Variants in SAP130 observed in about 807,000 individuals in gnomAD.
SAP130 encodes the protein Sin3A associated protein 130.
SAP130 carries 16 observed loss-of-function variants against 103.2 expected under a neutral mutation model. The observed-to-expected ratio is 0.16, with a 90% CI of 0.10 to 0.24. The LOEUF (loss-of-function observed/expected upper bound fraction) is 0.24, where lower values mean the gene tolerates loss of function less well. Among genes scored for constraint, SAP130 ranks in the 10% least tolerant of loss-of-function variants. The pLI is 1.00. For synonymous variants in SAP130, 477 were observed against 497.0 expected (o/e 0.96, Z 0.53); for missense variants, 990 against 1,359.7 (o/e 0.73, Z 4.28).
At chr2:128,027,136 C>G (rs1685566198) in intron 1 of SAP130, 2 of 1,389,748 alleles carry the variant, frequency 1.4e-6, no homozygotes, top group Admixed American at 2.5e-5. Context: ...TCTATCTCGC[C>G]GGCCTGGGGG....
chr2:128,022,420 T>C (rs1011123210), intron 2 of SAP130, among the ~76,000 whole-genome samples: 10 of 152,266 alleles, frequency 6.6e-5, no homozygotes, highest in Non-Finnish European at 1.5e-4. Context: ...TCTACGAACA[T>C]GTGAATATAA....
chr2:127,986,444 T>C lies in SAP130; in HGVS notation c.1958+341A>G, dbSNP rs536648379. Among the ~76,000 whole-genome samples, 1 of 152,238 alleles carries C rather than the reference T, an allele frequency of 6.6e-6. No individual in the cohort carries two copies. The highest frequency in any genetic ancestry group is 2.1e-4 in the South Asian group (1 of 4,822). On this transcript the variant is annotated intron_variant, in intron 14 of 20. Transcript: ENST00000643581. The surrounding 1 kb of genome is among the most constrained non-coding windows in gnomAD (Gnocchi z 4.7). ...GATTCATGCTGAATGAAGTTTATAG[T>C]ATGAGTTAAGGTAACTACCTACACA...
intron 11 of SAP130, 104 bp from the exon 12 acceptor site, chr2:127,993,412 C>T (rs1219199052): frequency 2.4e-6 from 3 of 1,252,424 alleles, no homozygotes; most frequent in African/African-American, 3.1e-5. Flanking sequence ...AACTGTCAAA[C>T]AAGCTTTGCT....
chr2:127,990,551 A>C (rs900250774), intron 12 of SAP130, among the ~76,000 whole-genome samples: 1 of 152,198 alleles, frequency 6.6e-6, no homozygotes, highest in Admixed American at 6.5e-5. Flanking sequence ...CCCTAAATAA[A>C]CAAGTATCTT....
At chr2:128,019,276 A>G (rs905637178) in intron 2 of SAP130, among the ~76,000 whole-genome samples, 1 of 138,622 alleles carries the variant, frequency 7.2e-6, no homozygotes, top group Admixed American at 7.2e-5. Flanking sequence ...ATTAAAAAAA[A>G]TTTTTTTTTT....
intron 7 of SAP130, among the ~76,000 whole-genome samples, chr2:128,008,420 T>C (rs1654506900): frequency 6.6e-6 from 1 of 150,446 alleles, no homozygotes; most frequent in Admixed American, 6.6e-5. Context: ...GACTAGAGAG[T>C]AGTGGCACAA....
In SAP130 at chr2:127,993,198, C is replaced by T. The variant is rs1419121498; in HGVS notation, c.1466G>A (p.Arg489Gln). The stretch of plus-strand genomic sequence containing the variant: ...AGCAGGGCTCATACCTGGATACTGT[C>T]GGATAGTGGACACGGAACTGGTGAT... ...TPITSSVSTI[R>Q]QYPVSAQAPN... Residue 489 changes from arginine (R) to glutamine (Q), a missense_variant, in exon 12 of 21, where the codon CGA becomes CAA. Around this residue, in one of 6 missense-constraint regions of SAP130, gnomAD observed 336 missense variants for 520.1 expected, o/e 0.65. Transcript: ENST00000643581. 3 of 1,613,806 alleles carry T rather than the reference C, an allele frequency of 1.9e-6. No homozygotes were observed. Among genetic ancestry groups the T allele is most frequent in the South Asian group, 1.1e-5 (1 of 91,046 alleles).
chr2:127,948,771 T>C (rs1041107610), intron 18 of SAP130, among the ~76,000 whole-genome samples: 1 of 152,186 alleles, frequency 6.6e-6, no homozygotes, highest in Non-Finnish European at 1.5e-5. Context: ...ATGAATATAT[T>C]GAAACAGAAG....
intron 14 of SAP130, among the ~76,000 whole-genome samples, chr2:127,984,695 G>C (rs577590822): frequency 6.6e-6 from 1 of 152,256 alleles, no homozygotes; most frequent in East Asian, 1.9e-4. Flanking sequence ...GCAGGGAGTG[G>C]ACTGGGAAGT....
At position 127,942,341 on chromosome 2, in the gene SAP130, A is replaced by G. The variant is rs745493522; in HGVS notation, c.3015+83T>C. On this transcript the variant is annotated intron_variant, in intron 20 of 20. Coordinates refer to ENST00000643581, the MANE Select transcript of SAP130 (RefSeq NM_001330301.2). This position sits in a 1 kb window ranked among gnomAD's most constrained non-coding sequence, Gnocchi z 4.8. Reference sequence around the variant, plus strand: ...TGTTTTTACTGAAGATATGAGGGAGACGGGGGGAAACGGGAGAAGTAGGGC... The same window carrying G: ...TGTTTTTACTGAAGATATGAGGGAGGCGGGGGGAAACGGGAGAAGTAGGGC... 2 of 1,110,262 alleles carry G rather than the reference A, an allele frequency of 1.8e-6. No homozygotes were observed. Among genetic ancestry groups the G allele is most frequent in the Non-Finnish European group, 2.7e-6 (2 of 731,506 alleles). The allele number at this position is 1,110,262 out of a possible 1,614,324, so 68.8% of individuals were successfully genotyped here.
chr2:128,006,492 A>C (rs1428495424), intron 7 of SAP130, among the ~76,000 whole-genome samples: 1 of 152,186 alleles, frequency 6.6e-6, no homozygotes, highest in Non-Finnish European at 1.5e-5. Context: ...TATGAAACCA[A>C]GGCTGGGTGT....
intron 14 of SAP130, among the ~76,000 whole-genome samples, chr2:127,981,168 C>A (rs541123364): frequency 1.3e-5 from 2 of 151,980 alleles, no homozygotes; most frequent in South Asian, 2.1e-4. Context: ...CCTTCACTGA[C>A]CCCTCCAGTA....
chr2:127,965,467 T>C (rs536870685), intron 15 of SAP130, among the ~76,000 whole-genome samples: 2 of 151,480 alleles, frequency 1.3e-5, no homozygotes, highest in Non-Finnish European at 2.9e-5. Flanking sequence ...TGAGATTCTG[T>C]CTCAAAAACA....
At position 127,996,256 on chromosome 2, in the gene SAP130, A is replaced by C; in HGVS notation, c.1355+94T>G. ...AAATCTGAAAACATGAGTAATAAAT[A>C]TAGGCCATATTTGTGGGACACTTTG... On this transcript the variant is annotated intron_variant, in intron 11 of 20. Transcript: ENST00000643581. The surrounding 1 kb of genome is among the most constrained non-coding windows in gnomAD (Gnocchi z 4.3). 2.6e-6 allele frequency: 3 copies of C among 1,156,682 alleles called. No individual in the cohort carries two copies. The highest frequency in any genetic ancestry group is 3.5e-6 in the Non-Finnish European group (3 of 867,332). The allele number at this position is 1,156,682 out of a possible 1,614,324, so 71.7% of individuals were successfully genotyped here. A position where few individuals can be genotyped will look rare whatever the true frequency, so the allele number is the denominator to read the frequency against.
chr2:127,954,898 G>C, intron 16 of SAP130, 88 bp downstream of exon 16: 1 of 1,041,766 alleles, frequency 9.6e-7, no homozygotes, highest in South Asian at 1.6e-5. Flanking sequence ...TCTTGGCTGA[G>C]GGTTACAGAA....
intron 2 of SAP130, among the ~76,000 whole-genome samples, chr2:128,024,474 G>A (rs1685362115): frequency 6.6e-6 from 1 of 152,174 alleles, no homozygotes; most frequent in Admixed American, 6.5e-5. Flanking sequence ...AACACTTTGG[G>A]AGGCTGAGAA....
chr2:127,941,652 G>T lies in SAP130; in HGVS notation c.*354C>A. The stretch of plus-strand genomic sequence containing the variant: ...ATACTTTCAGTCCAGGCTCAGTATG[G>T]GGCCTGCAGGAATCCACTAGATAAA... On this transcript the variant is annotated 3_prime_UTR_variant, in exon 21 of 21. Coordinates refer to ENST00000643581, the MANE Select transcript of SAP130 (RefSeq NM_001330301.2). 1 of 242,528 alleles carries T rather than the reference G, an allele frequency of 4.1e-6. No individual in the cohort carries two copies. 15.0% of individuals were successfully genotyped at this position (242,528 alleles called of 1,614,324 possible).
chr2:127,941,336 G>T lies in SAP130; in HGVS notation c.*670C>A, dbSNP rs1283203788. The T allele has an allele frequency of 6.6e-6, 1 of 152,180 alleles. No homozygotes were observed. Among genetic ancestry groups the T allele is most frequent in the African/African-American group, 2.4e-5 (1 of 41,420 alleles). 9.4% of individuals were successfully genotyped at this position (152,180 alleles called of 1,614,324 possible). A position where few individuals can be genotyped will look rare whatever the true frequency, so the allele number is the denominator to read the frequency against. ...AACCAAGAATGTACTTCAGAACAAG[G>T]ATCTGAGAGCAACTTATGGTGTTGC... On this transcript the variant is annotated 3_prime_UTR_variant, in exon 21 of 21. Transcript: ENST00000643581.
At chr2:127,997,572 T>C (rs1457066954) in intron 10 of SAP130, among the ~76,000 whole-genome samples, 5 of 152,184 alleles carry the variant, frequency 3.3e-5, no homozygotes, top group Non-Finnish European at 7.3e-5. Flanking sequence ...CCACTGAAGA[T>C]CGCATCTATT....
Sources: allele counts gnomAD v4.1 joint callset (sites outside exome capture counted in the v4.1 genomes callset), GRCh38; gene constraint gnomAD v4.1.1; regional missense constraint gnomAD v4.1.1; non-coding constraint Gnocchi (gnomAD v3.1); transcripts MANE v1.5; gene names NCBI Gene and HGNC (gene_info 2026-07-23, HGNC 2026-07-21).